SLCO1C1: variants seen among roughly 807,000 people sequenced by gnomAD.
SLCO1C1 encodes OAT-RP-5.
In SLCO1C1, 70 loss-of-function variants were observed where a neutral mutation model predicts 76.4. The ratio of observed to expected loss-of-function variants is 0.92; its 90% CI spans 0.76 to 1.12. The LOEUF (loss-of-function observed/expected upper bound fraction) is 1.12, where lower values mean the gene tolerates loss of function less well. SLCO1C1 is among the 50% of genes most tolerant of loss of function. SLCO1C1 has a pLI of 0.00. For synonymous variants in SLCO1C1, 306 were observed against 286.1 expected (o/e 1.07, Z -0.70); for missense variants, 912 against 823.8 (o/e 1.11, Z -1.31).
chr12:20,702,362 G>A (rs1446155416), intron 3 of SLCO1C1, among the ~76,000 whole-genome samples: 1 of 151,870 alleles, frequency 6.6e-6, no homozygotes, highest in Non-Finnish European at 1.5e-5. Flanking sequence ...AAATGAATAA[G>A]TAACCTTTTG....
chr12:20,700,020 A>G (rs909937795), intron 2 of SLCO1C1: 2 of 193,108 alleles, frequency 1.0e-5, no homozygotes, highest in African/African-American at 4.6e-5. Flanking sequence ...TTAATTTGTG[A>G]AACATCACAT....
At chr12:20,702,017 T>A (rs1398156744) in intron 3 of SLCO1C1, among the ~76,000 whole-genome samples, 2 of 151,976 alleles carry the variant, frequency 1.3e-5, no homozygotes, top group African/African-American at 4.8e-5. Context: ...AGCAATTGAC[T>A]ACAGACTCCT....
At chr12:20,703,466 A>C (rs73240455) in intron 3 of SLCO1C1, among the ~76,000 whole-genome samples, 4,635 of 151,936 alleles carry the variant, frequency 0.031, 208 homozygotes, top group African/African-American at 0.099. Flanking sequence ...GAAGAGAAGC[A>C]TTTACAATGG....
intron 14 of SLCO1C1, among the ~76,000 whole-genome samples, chr12:20,751,060 T>C (rs528741036): frequency 1.1e-4 from 16 of 152,268 alleles, no homozygotes; most frequent in East Asian, 9.6e-4. Context: ...AGTAGAATTT[T>C]GAAAGTTTAT....
At chr12:20,743,137 T>C (rs1592327629) in intron 12 of SLCO1C1, among the ~76,000 whole-genome samples, 168 bp from the exon 13 acceptor site, 1 of 152,216 alleles carries the variant, frequency 6.6e-6, no homozygotes, top group African/African-American at 2.4e-5. Context: ...AAATGGAATG[T>C]GGCTTTTACG....
intron 13 of SLCO1C1, among the ~76,000 whole-genome samples, chr12:20,747,506 G>T (rs1359540928): frequency 1.3e-5 from 2 of 151,982 alleles, no homozygotes; most frequent in African/African-American, 2.4e-5. Context: ...AAGCTATGAT[G>T]GTACATGAGG....
chr12:20,696,256 T>G lies in SLCO1C1; in HGVS notation c.-26+449T>G, dbSNP rs146002980. On this transcript the variant is annotated intron_variant, in intron 1 of 14. Coordinates refer to ENST00000266509, the MANE Select transcript of SLCO1C1 (RefSeq NM_017435.5). ...TCTGCAGCAAGTGCCGTGAGGCTATTTTTTAGTTTGTCTGAAGGGAGGCAT... is the reference window on the plus strand; with the variant it reads ...TCTGCAGCAAGTGCCGTGAGGCTATGTTTTAGTTTGTCTGAAGGGAGGCAT... Among the ~76,000 whole-genome samples the G allele has an allele frequency of 7.2e-4, 110 of 152,232 alleles. 1 individual carries two copies. Among genetic ancestry groups the G allele is most frequent in the Non-Finnish European group, 9.7e-4 (66 of 67,988 alleles).
At chr12:20,726,389 T>A (rs568429352) in intron 9 of SLCO1C1, among the ~76,000 whole-genome samples, 1 of 152,144 alleles carries the variant, frequency 6.6e-6, no homozygotes, top group African/African-American at 2.4e-5. Context: ...AAACAGAAAT[T>A]TCCCGACATG....
chr12:20,741,565 T>C (rs1218667974), intron 12 of SLCO1C1, among the ~76,000 whole-genome samples: 3 of 152,170 alleles, frequency 2.0e-5, no homozygotes, highest in Non-Finnish European at 2.9e-5. Context: ...GTGACAAGCA[T>C]TACATATTTC....
rs1168114611 is a variant in SLCO1C1, at chr12:20,710,195, CTTTTCTTTTTTTTTTTT to C, written c.405-1186_405-1170del. ...ACCATGCTGAATAAACAGTTCTCTA[CTTTTCTTTTTTTTTTTT>C]TTTTTTTTTTTTTGAGATGGAGTCT... On this transcript the variant is annotated intron_variant, in intron 4 of 14. Coordinates refer to ENST00000266509, the MANE Select transcript of SLCO1C1 (RefSeq NM_017435.5). Among the ~76,000 whole-genome samples the C allele has an allele frequency of 2.7e-4, 34 of 125,180 alleles. 2 individuals are homozygous for C. The highest frequency in any genetic ancestry group is 1.2e-3 in the African/African-American group (34 of 27,614). The allele number at this position is 125,180 out of a possible 152,430, so 82.1% of individuals were successfully genotyped here.
At chr12:20,711,104 G>A (rs560287258) in intron 4 of SLCO1C1, among the ~76,000 whole-genome samples, 1 of 152,236 alleles carries the variant, frequency 6.6e-6, no homozygotes, top group Admixed American at 6.5e-5. Flanking sequence ...TATGTTTTTA[G>A]AAAGTTTATG....
chr12:20,740,291 G>GT lies in SLCO1C1; in HGVS notation c.1657dup (p.Tyr553LeufsTer29). The GT allele has an allele frequency of 6.2e-7, 1 of 1,613,842 alleles. No homozygotes were observed. The highest frequency in any genetic ancestry group is 2.2e-5 in the East Asian group (1 of 44,786). On this transcript the variant is annotated frameshift_variant, in exon 12 of 15. Coordinates refer to ENST00000266509, the MANE Select transcript of SLCO1C1 (RefSeq NM_017435.5). LOFTEE classifies it high-confidence loss of function. Reference sequence around the variant, plus strand: ...ACAATGGATGTCCCCAAATGTTTCTGTATTTCCTTGTAATTTCAGTCATCA... The same window carrying GT: ...ACAATGGATGTCCCCAAATGTTTCTGTTATTTCCTTGTAATTTCAGTCATCA...
At chr12:20,749,694 G>A (rs1229822192) in intron 13 of SLCO1C1, among the ~76,000 whole-genome samples, 1 of 152,156 alleles carries the variant, frequency 6.6e-6, no homozygotes, top group Non-Finnish European at 1.5e-5. Context: ...AACATTTTCT[G>A]AGAACCTACT....
intron 7 of SLCO1C1, among the ~76,000 whole-genome samples, chr12:20,720,496 C>G (rs1947610069): frequency 6.6e-6 from 1 of 152,106 alleles, no homozygotes; most frequent in Non-Finnish European, 1.5e-5. Flanking sequence ...TTTTAGATGC[C>G]ATTAAGAGCA....
At chr12:20,750,554 T>C in intron 13 of SLCO1C1, 121 bp from the exon 14 acceptor site, 1 of 845,476 alleles carries the variant, frequency 1.2e-6, no homozygotes, top group Non-Finnish European at 1.9e-6. Context: ...TTTCAGCATG[T>C]AATTGATGGC....
intron 5 of SLCO1C1, among the ~76,000 whole-genome samples, chr12:20,714,837 G>A (rs1947287945): frequency 6.6e-6 from 1 of 152,172 alleles, no homozygotes; most frequent in Admixed American, 6.5e-5. Flanking sequence ...TCATTGTAGT[G>A]TGGGAACTCA....
intron 5 of SLCO1C1, 31 bp from the exon 6 acceptor site, chr12:20,715,108 T>C: frequency 6.2e-7 from 1 of 1,613,126 alleles, no homozygotes; most frequent in Non-Finnish European, 8.5e-7. Flanking sequence ...AGTGATCTAT[T>C]TTCAATCCTC....
At chr12:20,715,513 A>C (rs2120706202) in intron 6 of SLCO1C1, among the ~76,000 whole-genome samples, 1 of 152,320 alleles carries the variant, frequency 6.6e-6, no homozygotes, top group South Asian at 2.1e-4. Context: ...AAAGAAAATA[A>C]CTGCGAGCTT....
At chr12:20,707,028 C>G (rs1313267105) in intron 4 of SLCO1C1, among the ~76,000 whole-genome samples, 1 of 142,040 alleles carries the variant, frequency 7.0e-6, no homozygotes, top group Non-Finnish European at 1.5e-5. Flanking sequence ...AATTTCTAGA[C>G]CACTTATGTA....
Sources: gnomAD v4.1 joint callset for allele counts (sites outside exome capture counted in the v4.1 genomes callset) on GRCh38, gnomAD v4.1.1 for gene constraint, MANE v1.5 for transcripts, NCBI Gene and HGNC (gene_info 2026-07-23, HGNC 2026-07-21) for gene names.